Variants in SPTY2D1 observed in about 807,000 individuals in gnomAD.
The protein encoded by SPTY2D1 is SPT2 chromatin protein domain containing 1, also known as protein SPT2 homolog.
SPTY2D1 carries 21 observed loss-of-function variants against 64.0 expected under a neutral mutation model. The observed-to-expected ratio is 0.33, with a 90% CI of 0.23 to 0.47. SPTY2D1 has a LOEUF of 0.47. Ranked by LOEUF, SPTY2D1 falls within the 20% of genes least tolerant of loss-of-function variation. The pLI, the probability that SPTY2D1 is intolerant of heterozygous loss-of-function variation, is 1.00. For missense variants in SPTY2D1, 724 were observed against 837.2 expected, an observed-to-expected ratio of 0.86 and a Z score of 1.67; for synonymous variants, 287 against 286.8, an observed-to-expected ratio of 1.00 and a Z score of -0.01.
intron 1 of SPTY2D1, among the ~76,000 whole-genome samples, chr11:18,624,210 G>A (rs369069004): frequency 4.0e-4 from 57 of 141,994 alleles, no homozygotes; most frequent in Non-Finnish European, 4.7e-4. Context: ...AAAAAGAGAG[G>A]AAAAAAAAAA....
Position 18,616,973 on chromosome 11 carries a change from G to A in SPTY2D1, c.77C>T (p.Ala26Val), listed in dbSNP as rs564417013. The A allele has an allele frequency of 1.9e-6, 3 of 1,614,030 alleles. No homozygotes were observed. In the South Asian group the frequency reaches 3.3e-5, roughly 18 times the overall value. ...VNNVPKRYSL[A>V]VGPPKKDPKV... ...TGGGTCTTTTTTTGGAGGCCCCACT[G>A]CCAAACTATACCTTTTCTAAAAACA... The change falls in exon 2 of 6, where the codon GCA (alanine) becomes GTA (valine). Residue 26 changes from alanine (A) to valine (V), a missense_variant. Ala to Val is a moderately conservative substitution (Grantham distance 64). Transcript: ENST00000336349.
At position 18,615,448 on chromosome 11, in the gene SPTY2D1, C is replaced by G. The variant is rs747664214; in HGVS notation, c.826G>C (p.Ala276Pro). 20 of 1,614,028 alleles carry G rather than the reference C, an allele frequency of 1.2e-5. No individual in the cohort carries two copies. The Admixed American group carries it at 3.3e-4, about 27-fold the overall frequency. ...RPSMANEKHL[A>P]LSSSKSMPGE... ...GGCATGGATTTGGATGAAGACAAAG[C>G]GAGGTGTTTCTCATTGGCCATGCTG... Residue 276 changes from alanine (A) to proline (P), a missense_variant, in exon 3 of 6, where the codon GCT becomes CCT. This residue lies in a region of SPTY2D1 where 426 missense variants were observed against 431.8 expected (regional missense o/e 0.99). Coordinates refer to ENST00000336349, the MANE Select transcript of SPTY2D1 (RefSeq NM_194285.3).
intron 1 of SPTY2D1, among the ~76,000 whole-genome samples, chr11:18,620,440 C>T (rs1854375730): frequency 6.6e-6 from 1 of 152,068 alleles, no homozygotes; most frequent in Non-Finnish European, 1.5e-5. Context: ...GATCACGCCA[C>T]TGCATTCCAG....
intron 1 of SPTY2D1, among the ~76,000 whole-genome samples, chr11:18,629,648 C>T (rs1327670057): frequency 1.3e-5 from 2 of 152,162 alleles, no homozygotes; most frequent in East Asian, 3.8e-4. Flanking sequence ...TATCTTTTCT[C>T]CTTTATATAT....
intron 4 of SPTY2D1, 37 bp from the exon 5 acceptor site, chr11:18,611,591 C>A (rs773797757): frequency 1.9e-6 from 3 of 1,548,268 alleles, no homozygotes; most frequent in Non-Finnish European, 2.7e-6. Context: ...AAAGAGAAAA[C>A]TTCAATTTTC....
In SPTY2D1 at chr11:18,606,719, A is replaced by C. The variant is rs1347353767; in HGVS notation, c.*3142T>G. 2 of 405,026 alleles carry C rather than the reference A, an allele frequency of 4.9e-6. No homozygotes were observed. Among genetic ancestry groups the C allele is most frequent in the Non-Finnish European group, 9.4e-6 (2 of 211,660 alleles). 25.1% of individuals were successfully genotyped at this position (405,026 alleles called of 1,614,324 possible). A position where few individuals can be genotyped will look rare whatever the true frequency, so the allele number is the denominator to read the frequency against. ...ACAACCAGTCTCTCTTCATATATTT[A>C]TTCTCTTTCCAAACATGTTTTGGTC... On this transcript the variant is annotated 3_prime_UTR_variant, in exon 6 of 6. Coordinates refer to ENST00000336349, the MANE Select transcript of SPTY2D1 (RefSeq NM_194285.3).
intron 1 of SPTY2D1, among the ~76,000 whole-genome samples, chr11:18,633,426 G>A (rs2134120799): frequency 6.6e-6 from 1 of 152,308 alleles, no homozygotes; most frequent in Middle Eastern, 3.4e-3. Context: ...ATGCAAAACA[G>A]CCATAACCCC....
intron 4 of SPTY2D1, among the ~76,000 whole-genome samples, chr11:18,611,964 G>A (rs1854213182): frequency 6.6e-6 from 1 of 152,142 alleles, no homozygotes; most frequent in Non-Finnish European, 1.5e-5. Context: ...AGAGGAAACT[G>A]AAGCAGTTGA....
rs1037552483 is a variant in SPTY2D1 at position 18,612,904 on chromosome 11, A to G, written c.1712-416T>C. The stretch of plus-strand genomic sequence containing the variant: ...CTCAGCCTCCCGAGTAGCTGGGATT[A>G]TAGGCATGTGCCACAACGCCTGGCT... On this transcript the variant is annotated intron_variant, in intron 3 of 5. Transcript: ENST00000336349. The surrounding 1 kb of genome is among the most constrained non-coding windows in gnomAD (Gnocchi z 4.6). 6.6e-6 allele frequency among the ~76,000 whole-genome samples: 1 copy of G among 151,964 alleles called. No individual in the cohort carries two copies. The highest frequency in any genetic ancestry group is 2.4e-5 in the African/African-American group (1 of 41,374).
rs987261956 is a variant in SPTY2D1 at position 18,606,964 on chromosome 11, G to C, written c.*2897C>G. ...CAACCTCCGCCTCCCAGGTTCTAGC[G>C]ATTCTCCTGCCTCAGCCTCCCCGGT... On this transcript the variant is annotated 3_prime_UTR_variant, in exon 6 of 6. Transcript: ENST00000336349. The C allele has an allele frequency of 3.4e-6, 1 of 294,720 alleles. No individual in the cohort carries two copies. The highest frequency in any genetic ancestry group is 6.1e-5 in the Admixed American group (1 of 16,404). The allele number at this position is 294,720 out of a possible 1,614,324, so 18.3% of individuals were successfully genotyped here.
chr11:18,610,501 T>C (rs2134107888), intron 5 of SPTY2D1, among the ~76,000 whole-genome samples: 1 of 151,620 alleles, frequency 6.6e-6, no homozygotes, highest in South Asian at 2.1e-4. Flanking sequence ...CCATCTCTAC[T>C]AAAAATTACA....
intron 2 of SPTY2D1, among the ~76,000 whole-genome samples, chr11:18,616,489 T>G: frequency 6.6e-6 from 1 of 152,282 alleles, no homozygotes; most frequent in South Asian, 2.1e-4. Flanking sequence ...AAAACTTATC[T>G]CTATTTTAGC....
At chr11:18,633,324 C>T (rs1203093771) in intron 1 of SPTY2D1, among the ~76,000 whole-genome samples, 3 of 152,230 alleles carry the variant, frequency 2.0e-5, no homozygotes, top group African/African-American at 7.2e-5. Context: ...TAGTTCTATA[C>T]CTCACTGCTC....
At chr11:18,625,922 TCTC>T (rs1194488670) in intron 1 of SPTY2D1, among the ~76,000 whole-genome samples, 1 of 151,800 alleles carries the variant, frequency 6.6e-6, no homozygotes, top group Non-Finnish European at 1.5e-5. Context: ...TTCAAGCAAT[TCTC>T]CTGCCTCAGC....
At chr11:18,619,293 CAGA>C (rs1002282636) in intron 1 of SPTY2D1, among the ~76,000 whole-genome samples, 10 of 151,984 alleles carry the variant, frequency 6.6e-5, no homozygotes, top group African/African-American at 2.4e-4. Flanking sequence ...GATTTGGAAG[CAGA>C]AGAAGGTGGA....
intron 1 of SPTY2D1, among the ~76,000 whole-genome samples, chr11:18,632,665 CT>C (rs1353142369): frequency 2.6e-5 from 4 of 152,156 alleles, no homozygotes; most frequent in Non-Finnish European, 5.9e-5. Context: ...TTTTAAATTA[CT>C]TTTTTCCCCT....
At chr11:18,627,258 C>CAAAAAAA (rs1192277676) in intron 1 of SPTY2D1, among the ~76,000 whole-genome samples, 1 of 48,716 alleles carries the variant, frequency 2.1e-5, no homozygotes, top group Admixed American at 2.2e-4. Context: ...ACTAAAAATA[C>CAAAAAAA]AAAAAAAAAA....
At chr11:18,634,094 T>A (rs768569215) in intron 1 of SPTY2D1, 104 bp downstream of exon 1, 1 of 1,309,398 alleles carries the variant, frequency 7.6e-7, no homozygotes, top group Non-Finnish European at 1.1e-6. Flanking sequence ...GGGTCTTTCC[T>A]CTCCCGGAGC....
Position 18,615,141 on chromosome 11 carries a change from G to T in SPTY2D1, c.1133C>A (p.Ala378Asp). ...VRQPGSSSSS[A>D]PGQPSTGVAR... The stretch of plus-strand genomic sequence containing the variant: ...AACCCCTGTGCTGGGCTGCCCAGGG[G>T]CTGAGCTAGAGCTGCTGCCTGGCTG... The change falls in exon 3 of 6, where the codon GCC (alanine) becomes GAC (aspartate). Residue 378 changes from alanine (A) to aspartate (D), a missense_variant. Ala to Asp is a moderately radical substitution (Grantham distance 126). Transcript: ENST00000336349. The T allele has an allele frequency of 6.2e-7, 1 of 1,614,204 alleles. No homozygotes were observed. The highest frequency in any genetic ancestry group is 8.5e-7 in the Non-Finnish European group (1 of 1,180,032).
Sources: allele counts gnomAD v4.1 joint callset (sites outside exome capture counted in the v4.1 genomes callset), GRCh38; gene constraint gnomAD v4.1.1; regional missense constraint gnomAD v4.1.1; non-coding constraint Gnocchi (gnomAD v3.1); transcripts MANE v1.5; gene names NCBI Gene and HGNC (gene_info 2026-07-23, HGNC 2026-07-21).